ZNF248: variants seen among roughly 807,000 people sequenced by gnomAD.
ZNF248 encodes the protein KRAB protein domain.
A neutral mutation model predicts 44.3 loss-of-function variants in ZNF248; 20 were observed. The observed-to-expected ratio is 0.45, with a 90% CI of 0.32 to 0.66. ZNF248 has a LOEUF of 0.66. Among genes scored for constraint, ZNF248 ranks in the 30% least tolerant of loss-of-function variants. The pLI, the probability that ZNF248 is intolerant of heterozygous loss-of-function variation, is 0.04. For missense variants in ZNF248, 654 were observed against 677.0 expected (o/e 0.97, Z 0.38); for synonymous variants, 224 against 229.0 (o/e 0.98, Z 0.20).
At chr10:37,776,713 GC>G (rs2046613156) in intron 6 of ZNF248, 1 of 375,870 alleles carries the variant, frequency 2.7e-6, no homozygotes, top group Non-Finnish European at 4.7e-6. Context: ...CAGTCATGCA[GC>G]CTGACCCAAG....
intron 4 of ZNF248, 67 bp downstream of exon 4, chr10:37,837,918 A>G (rs1457305317): frequency 6.4e-7 from 1 of 1,570,372 alleles, no homozygotes; most frequent in Non-Finnish European, 8.7e-7. Flanking sequence ...TTTACATCAG[A>G]AAACTACAGG....
At chr10:37,793,793 G>A (rs977295377) in intron 6 of ZNF248, among the ~76,000 whole-genome samples, 2 of 152,038 alleles carry the variant, frequency 1.3e-5, no homozygotes, top group Non-Finnish European at 2.9e-5. Context: ...ATATATGCGT[G>A]TACACATATA....
Position 37,832,704 on chromosome 10 carries a change from A to G in ZNF248, c.651T>C (p.Ser217=). 6.2e-7 allele frequency: 1 copy of G among 1,613,494 alleles called. No individual in the cohort carries two copies. Among genetic ancestry groups the G allele is most frequent in the Non-Finnish European group, 8.5e-7 (1 of 1,179,880 alleles). ...QPSFGQSFEY[S]KNGQGFHDEA... The stretch of plus-strand genomic sequence containing the variant: ...CATCATGGAAGCCTTGTCCATTTTT[A>G]CTATACTCAAAAGATTGGCCAAAAC... Residue 217 remains serine (S), a synonymous_variant, in exon 6 of 6, where the codon AGT becomes AGC. Transcript: ENST00000395867.
At chr10:37,802,284 G>A in intron 6 of ZNF248, among the ~76,000 whole-genome samples, 1 of 152,190 alleles carries the variant, frequency 6.6e-6, no homozygotes, top group East Asian at 1.9e-4. Flanking sequence ...GAAGGAAAGA[G>A]AATGAGATCC....
rs189735750 is a variant in ZNF248, at chr10:37,823,154, T to C, written c.330+9871A>G. On this transcript the variant is annotated intron_variant, in intron 6 of 6. Transcript: ENST00000615949. Reference sequence around the variant, plus strand: ...ATCAAGACCATCCTGGCCAACATGGTAAAGCCCTGTCTCTACTAAAAATAC... The same window carrying C: ...ATCAAGACCATCCTGGCCAACATGGCAAAGCCCTGTCTCTACTAAAAATAC... Among the ~76,000 whole-genome samples, 5 of 151,722 alleles carry C rather than the reference T, an allele frequency of 3.3e-5. No individual in the cohort carries two copies. The East Asian group carries it at 9.8e-4, about 30-fold the overall frequency.
At chr10:37,771,484 A>C in the ZNF248 span, among the ~76,000 whole-genome samples, 2 of 149,716 alleles carry the variant, frequency 1.3e-5, no homozygotes, top group Non-Finnish European at 3.0e-5. Flanking sequence ...GACATGGATG[A>C]AACTGGAAAC....
rs11498210 is a variant in ZNF248 at position 37,811,146 on chromosome 10, T to C, written c.330+21879A>G. ...AAGTCATGATATTACAAGAAAAAGA[T>C]GGATTGCTTAATATGTACTTTAGAT... is the stretch of plus-strand genomic sequence containing the variant. On this transcript the variant is annotated intron_variant, in intron 6 of 6. Coordinates refer to the ZNF248 transcript ENST00000615949. Among the ~76,000 whole-genome samples the C allele has an allele frequency of 1.5e-3, 223 of 152,326 alleles. 1 individual carries two copies. The highest frequency in any genetic ancestry group is 5.2e-3 in the African/African-American group (216 of 41,580).
At chr10:37,807,335 CAGG>C (rs764472426) in intron 6 of ZNF248, among the ~76,000 whole-genome samples, 3 of 152,128 alleles carry the variant, frequency 2.0e-5, no homozygotes, top group African/African-American at 7.2e-5. Context: ...CTCTTGAAAT[CAGG>C]AGGAGTGAAA....
At chr10:37,810,248 T>C (rs1025710012) in intron 6 of ZNF248, among the ~76,000 whole-genome samples, 1 of 152,250 alleles carries the variant, frequency 6.6e-6, no homozygotes, top group Non-Finnish European at 1.5e-5. Flanking sequence ...CTGGTTGTTC[T>C]ATCCATTATT....
the ZNF248 span, among the ~76,000 whole-genome samples, chr10:37,766,776 A>G: frequency 6.6e-6 from 1 of 152,238 alleles, no homozygotes; most frequent in Non-Finnish European, 1.5e-5. Context: ...TGGATGGAGA[A>G]TGACTTTGAC....
intron 6 of ZNF248, among the ~76,000 whole-genome samples, chr10:37,809,802 G>C (rs904482122): frequency 6.6e-6 from 1 of 151,598 alleles, no homozygotes; most frequent in Non-Finnish European, 1.5e-5. Context: ...GTTGTTTAAA[G>C]GTATATTATT....
At chr10:37,788,250 G>A (rs1390713147) in intron 6 of ZNF248, among the ~76,000 whole-genome samples, 1 of 136,610 alleles carries the variant, frequency 7.3e-6, no homozygotes, top group Non-Finnish European at 1.5e-5. Context: ...GGGCAACAGT[G>A]AGACTCCATC....
chr10:37,809,759 A>G (rs1243700625), intron 6 of ZNF248, among the ~76,000 whole-genome samples: 1 of 151,810 alleles, frequency 6.6e-6, no homozygotes, highest in Admixed American at 6.6e-5. Flanking sequence ...GTATTTTTCA[A>G]TTTCCCTTGT....
At chr10:37,845,380 T>TAAA (rs34800175) in intron 3 of ZNF248, among the ~76,000 whole-genome samples, 1 of 135,626 alleles carries the variant, frequency 7.4e-6, no homozygotes, top group Non-Finnish European at 1.6e-5. Flanking sequence ...AGAATGGATT[T>TAAA]AAAAAAAAAA....
chr10:37,837,862 T>A (rs1321648169), intron 4 of ZNF248, 123 bp downstream of exon 4: 1 of 1,418,314 alleles, frequency 7.1e-7, no homozygotes, highest in Non-Finnish European at 9.6e-7. Flanking sequence ...AGCACCTTTA[T>A]GGTGGCCAAA....
At chr10:37,791,969 TG>T (rs557525422) in intron 6 of ZNF248, 90 of 152,312 alleles carry the variant, frequency 5.9e-4, no homozygotes, top group African/African-American at 2.1e-3. Flanking sequence ...GGCCATAGGA[TG>T]GGCAGCATGA....
Position 37,831,315 on chromosome 10 carries a change from G to C in ZNF248, c.*300C>G. On this transcript the variant is annotated 3_prime_UTR_variant, in exon 6 of 6. Transcript: ENST00000395867. The stretch of plus-strand genomic sequence containing the variant: ...ACTTTTATAAGCTTCAGATTCCACT[G>C]TGAATATGGGTATAAATAAATATTG... 6.5e-7 allele frequency: 1 copy of C among 1,549,326 alleles called. No homozygotes were observed.
intron 6 of ZNF248, among the ~76,000 whole-genome samples, chr10:37,807,171 C>T (rs946525189): frequency 4.6e-5 from 7 of 151,834 alleles, no homozygotes; most frequent in Admixed American, 1.3e-4. Flanking sequence ...TAAGACTGTC[C>T]TTGCCATTAA....
intron 6 of ZNF248, among the ~76,000 whole-genome samples, chr10:37,807,964 C>T (rs2050832243): frequency 6.6e-6 from 1 of 152,060 alleles, no homozygotes; most frequent in Admixed American, 6.6e-5. Context: ...ACGACATTAG[C>T]TGTATATTTT....
Sources: gnomAD v4.1 joint callset for allele counts (sites outside exome capture counted in the v4.1 genomes callset) on GRCh38, gnomAD v4.1.1 for gene constraint, MANE v1.5 for transcripts, NCBI Gene and HGNC (gene_info 2026-07-23, HGNC 2026-07-21) for gene names.